The following ZFHX3 variants were observed in gnomAD, a reference collection of about 807,000 sequenced individuals.
The protein encoded by ZFHX3 is zinc finger homeobox protein 3.
In ZFHX3, 42 loss-of-function variants were observed where a neutral mutation model predicts 279.1. The observed-to-expected ratio is 0.15, with a 90% CI of 0.12 to 0.19. The LOEUF (loss-of-function observed/expected upper bound fraction) is 0.19. Ranked by LOEUF, ZFHX3 falls within the 10% of genes least tolerant of loss-of-function variation. The probability of loss-of-function intolerance (pLI) is 1.00; values close to 1 mark genes in which losing one functional copy is unlikely to be tolerated. For synonymous variants in ZFHX3, 2,293 were observed against 1,957.8 expected (o/e 1.17, Z -4.52); for missense variants, 4,981 against 4,754.0 (o/e 1.05, Z -1.40).
intron 5 of ZFHX3, among the ~76,000 whole-genome samples, chr16:73,220,764 G>A (rs1048471573): frequency 6.6e-6 from 1 of 152,120 alleles, no homozygotes; most frequent in African/African-American, 2.4e-5. Context: ...TTCTTTGTGT[G>A]TGTGTGTGTG....
chr16:72,940,022 AC>A (rs1228273207), intron 3 of ZFHX3, among the ~76,000 whole-genome samples: 1 of 151,366 alleles, frequency 6.6e-6, no homozygotes, highest in African/African-American at 2.4e-5. Flanking sequence ...TGATCCTCCC[AC>A]CTCAGTCCCC....
intron 2 of ZFHX3, among the ~76,000 whole-genome samples, chr16:73,584,211 G>A (rs536537339): frequency 5.9e-5 from 9 of 152,220 alleles, no homozygotes; most frequent in African/African-American, 9.6e-5. Flanking sequence ...AGTCCCAAAC[G>A]ATGAGAAAGA....
At chr16:72,948,934 C>CAGCA (rs1368358458) in intron 3 of ZFHX3, among the ~76,000 whole-genome samples, 1 of 152,166 alleles carries the variant, frequency 6.6e-6, no homozygotes, top group Non-Finnish European at 1.5e-5. Flanking sequence ...TAAGCCAGTC[C>CAGCA]AGCAAGGTTC....
At chr16:73,608,886 C>T (rs2052217803) in intron 2 of ZFHX3, 1 of 152,168 alleles carries the variant, frequency 6.6e-6, no homozygotes, top group South Asian at 2.1e-4. Flanking sequence ...GCCCAATGAA[C>T]ATACATACCA....
intron 8 of ZFHX3, among the ~76,000 whole-genome samples, chr16:73,082,320 T>C (rs1771358548): frequency 6.6e-6 from 1 of 152,062 alleles, no homozygotes; most frequent in African/African-American, 2.4e-5. Context: ...CAGCCTGGAG[T>C]GCAGTGGCGC....
intron 1 of ZFHX3, among the ~76,000 whole-genome samples, chr16:72,979,927 G>C (rs1201352983): frequency 6.6e-6 from 1 of 151,916 alleles, no homozygotes; most frequent in Non-Finnish European, 1.5e-5. Context: ...CAATGTCCAA[G>C]AGAAAAAAAA....
At chr16:73,683,002 A>G (rs941349997) in intron 1 of ZFHX3, among the ~76,000 whole-genome samples, 1 of 86,390 alleles carries the variant, frequency 1.2e-5, no homozygotes, top group African/African-American at 3.0e-5. Flanking sequence ...AAAGAAAGAA[A>G]GAAAGAAAGA....
At chr16:73,860,850 C>A (rs1269790795) in intron 1 of ZFHX3, among the ~76,000 whole-genome samples, 1 of 152,124 alleles carries the variant, frequency 6.6e-6, no homozygotes, top group Non-Finnish European at 1.5e-5. Flanking sequence ...ACTCCCCCAA[C>A]CCCCACTCAC....
chr16:73,494,859 C>T (rs2019113550), intron 2 of ZFHX3, among the ~76,000 whole-genome samples: 1 of 152,056 alleles, frequency 6.6e-6, no homozygotes, highest in Admixed American at 6.6e-5. Context: ...TGAGCCTCTG[C>T]GCCCGGCAAA....
At position 73,029,681 on chromosome 16, in the gene ZFHX3, C is replaced by T. The variant is rs532565261; in HGVS notation, c.-50+18071G>A. Among the ~76,000 whole-genome samples the T allele has an allele frequency of 1.3e-4, 20 of 152,326 alleles. 1 individual carries two copies. The highest frequency in any genetic ancestry group is 6.2e-4 in the South Asian group (3 of 4,830). On this transcript the variant is annotated intron_variant, in intron 1 of 9. Transcript: ENST00000268489. ...ACAAACGATTTGCTCACAAGGCCAT[C>T]GCCCAAGTGGGAATCCCAGCAGGGA...
intron 1 of ZFHX3, among the ~76,000 whole-genome samples, chr16:73,722,397 T>G (rs1301501989): frequency 1.3e-5 from 2 of 152,212 alleles, no homozygotes. Context: ...CAGCACTATT[T>G]TCCTAAAATT....
At chr16:73,852,007 C>A (rs1389176105) in intron 1 of ZFHX3, among the ~76,000 whole-genome samples, 2 of 152,178 alleles carry the variant, frequency 1.3e-5, no homozygotes, top group Non-Finnish European at 2.9e-5. Flanking sequence ...GTCTCATCTA[C>A]CTCCTGAATG....
At chr16:73,396,771 G>A (rs1253369185) in intron 3 of ZFHX3, among the ~76,000 whole-genome samples, 1 of 152,130 alleles carries the variant, frequency 6.6e-6, no homozygotes, top group Non-Finnish European at 1.5e-5. Flanking sequence ...GACATGTAGG[G>A]GTTACAATTA....
intron 2 of ZFHX3, among the ~76,000 whole-genome samples, chr16:73,524,225 C>T (rs1052871365): frequency 1.3e-5 from 2 of 152,164 alleles, no homozygotes; most frequent in Non-Finnish European, 2.9e-5. Flanking sequence ...ATTTTTTATA[C>T]ATAAACACAT....
intron 5 of ZFHX3, among the ~76,000 whole-genome samples, chr16:73,220,003 T>C (rs1354861392): frequency 1.3e-5 from 2 of 152,054 alleles, no homozygotes; most frequent in Admixed American, 1.3e-4. Flanking sequence ...GGAGAATTGC[T>C]TGAACCTGGG....
chr16:72,994,117 A>C (rs1963192918), intron 1 of ZFHX3, among the ~76,000 whole-genome samples: 1 of 152,176 alleles, frequency 6.6e-6, no homozygotes, highest in Non-Finnish European at 1.5e-5. Flanking sequence ...ATCCACAACA[A>C]GGACTTTGTG....
chr16:73,174,414 A>G (rs74527349), intron 5 of ZFHX3, among the ~76,000 whole-genome samples: 1,859 of 152,324 alleles, frequency 0.012, 51 homozygotes, highest in African/African-American at 0.041. Context: ...AAACTCTTCC[A>G]ATTTCAAGGA....
rs140712670 is a variant in ZFHX3, at chr16:72,905,059, C to T, written c.3217-15097G>A. Reference sequence around the variant, plus strand: ...TTCATCATGTTGGCCAGGCTGGTCTCGAACTCCTAACCTCAAGTGATCCGC... The same window carrying T: ...TTCATCATGTTGGCCAGGCTGGTCTTGAACTCCTAACCTCAAGTGATCCGC... On this transcript the variant is annotated intron_variant, in intron 3 of 9. Transcript: ENST00000268489. 1.3e-3 allele frequency among the ~76,000 whole-genome samples: 203 copies of T among 152,182 alleles called. 1 individual carries two copies. The highest frequency in any genetic ancestry group is 4.7e-3 in the African/African-American group (194 of 41,540).
chr16:73,252,485 T>C (rs28579017), intron 5 of ZFHX3, among the ~76,000 whole-genome samples: 5 of 151,594 alleles, frequency 3.3e-5, no homozygotes, highest in Non-Finnish European at 7.4e-5. Flanking sequence ...TGAAGAGAAA[T>C]AGGAAAGCTG....
Sources: allele counts gnomAD v4.1 joint callset (sites outside exome capture counted in the v4.1 genomes callset), GRCh38; gene constraint gnomAD v4.1.1; transcripts MANE v1.5; gene names NCBI Gene and HGNC (gene_info 2026-07-23, HGNC 2026-07-21).